MTA3: variants seen among roughly 807,000 people sequenced by gnomAD.
The protein encoded by MTA3 is metastasis-associated protein MTA3.
A neutral mutation model predicts 83.5 loss-of-function variants in MTA3; 34 were observed. That is an observed-to-expected ratio of 0.41 (90% confidence interval 0.31 to 0.54). The LOEUF is 0.54. MTA3 is among the 20% of genes least tolerant of loss of function. The pLI is 0.33. For synonymous variants in MTA3, 303 were observed against 252.7 expected, an observed-to-expected ratio of 1.20 and a Z score of -1.89; for missense variants, 761 against 726.4, an observed-to-expected ratio of 1.05 and a Z score of -0.55.
chr2:42,641,202 T>G (rs1284548697), intron 5 of MTA3, among the ~76,000 whole-genome samples: 1 of 148,786 alleles, frequency 6.7e-6, no homozygotes, highest in East Asian at 1.9e-4. Flanking sequence ...CCACTGTGCC[T>G]GGCCGGTTTT....
chr2:42,732,106 C>T (rs928358273), intron 16 of MTA3, among the ~76,000 whole-genome samples: 1 of 151,820 alleles, frequency 6.6e-6, no homozygotes, highest in Non-Finnish European at 1.5e-5. Flanking sequence ...GGACGGTGGC[C>T]CTCTTCTCAC....
chr2:42,719,854 T>G (rs1667280734), intron 15 of MTA3, among the ~76,000 whole-genome samples: 1 of 152,236 alleles, frequency 6.6e-6, no homozygotes, highest in South Asian at 2.1e-4. Context: ...TCTCTTTGTT[T>G]AAACAAAGTT....
intron 4 of MTA3, among the ~76,000 whole-genome samples, chr2:42,632,487 C>T (rs575463842): frequency 6.6e-6 from 1 of 152,116 alleles, no homozygotes; most frequent in Non-Finnish European, 1.5e-5. Context: ...CAGAGTGATT[C>T]ATTTGCCATC....
chr2:42,695,692 C>G (rs1185239701), intron 9 of MTA3, 73 bp from the exon 10 acceptor site: 7 of 454,912 alleles, frequency 1.5e-5, no homozygotes, highest in Non-Finnish European at 2.6e-5. Context: ...AAAGTACTTT[C>G]TATAGTAGCT....
rs556979786 is a variant in MTA3 at position 42,507,058 on chromosome 2, G to A, written c.-141+11804G>A. 7.9e-5 allele frequency among the ~76,000 whole-genome samples: 12 copies of A among 152,144 alleles called. No individual in the cohort carries two copies. The South Asian group carries it at 8.3e-4, about 11-fold the overall frequency. The stretch of plus-strand genomic sequence containing the variant: ...TAGCTGGAGTAGCATGCGTGATCAC[G>A]CTTGGCTAATTTTTTAATTTTTTGT... On this transcript the variant is annotated intron_variant, in intron 2 of 17. Coordinates refer to the MTA3 transcript ENST00000405592.
intron 3 of MTA3, among the ~76,000 whole-genome samples, chr2:42,584,986 C>A (rs992823547): frequency 1.3e-5 from 2 of 151,472 alleles, no homozygotes; most frequent in African/African-American, 2.4e-5. Context: ...GGCTTGAGTG[C>A]AGTGGCACAA....
At chr2:42,713,367 C>G (rs1296446630) in intron 14 of MTA3, among the ~76,000 whole-genome samples, 1 of 151,898 alleles carries the variant, frequency 6.6e-6, no homozygotes, top group Non-Finnish European at 1.5e-5. Context: ...TGAGTATAAG[C>G]TTTTCTGAAA....
intron 4 of MTA3, among the ~76,000 whole-genome samples, chr2:42,618,607 C>T (rs921114226): frequency 2.0e-5 from 3 of 151,866 alleles, no homozygotes; most frequent in Non-Finnish European, 2.9e-5. Context: ...ATCATTAATG[C>T]ATTTTTTTTC....
chr2:42,683,772 T>G (rs1487693554), intron 9 of MTA3, among the ~76,000 whole-genome samples: 3 of 152,082 alleles, frequency 2.0e-5, no homozygotes, highest in African/African-American at 7.2e-5. Flanking sequence ...GGGGCAGACC[T>G]CAGGGGGCAG....
intron 2 of MTA3, among the ~76,000 whole-genome samples, chr2:42,557,481 C>T (rs895667084): frequency 1.3e-5 from 2 of 152,132 alleles, no homozygotes; most frequent in African/African-American, 4.8e-5. Flanking sequence ...ACCAAAGCCT[C>T]GAAAAGGTCA....
chr2:42,519,218 C>G (rs61287079), intron 2 of MTA3, among the ~76,000 whole-genome samples: 3,255 of 152,164 alleles, frequency 0.021, 115 homozygotes, highest in African/African-American at 0.074. Context: ...ACAACCCAAT[C>G]TGATTATGAG....
intron 14 of MTA3, among the ~76,000 whole-genome samples, chr2:42,711,717 T>C (rs937879450): frequency 2.0e-5 from 3 of 151,834 alleles, no homozygotes; most frequent in Non-Finnish European, 2.9e-5. Flanking sequence ...AGATTAGGTA[T>C]TAATAACCTG....
chr2:42,646,801 T>C (rs1342550858), intron 6 of MTA3, among the ~76,000 whole-genome samples: 1 of 152,110 alleles, frequency 6.6e-6, no homozygotes, highest in Non-Finnish European at 1.5e-5. Context: ...GGATTTGGAA[T>C]ATTATATAAA....
chr2:42,668,619 G>A (rs1234369103), intron 8 of MTA3, among the ~76,000 whole-genome samples: 1 of 152,102 alleles, frequency 6.6e-6, no homozygotes, highest in African/African-American at 2.4e-5. Context: ...CATAATCTTT[G>A]TTGAGCCTCA....
In MTA3 at chr2:42,755,725, T is replaced by A. The variant is rs559601967; in HGVS notation, c.*2326T>A. The A allele has an allele frequency of 1.1e-5, 11 of 985,640 alleles. No homozygotes were observed. The East Asian group carries it at 5.7e-4, about 51-fold the overall frequency. 61.1% of individuals were successfully genotyped at this position (985,640 alleles called of 1,614,324 possible). On this transcript the variant is annotated 3_prime_UTR_variant, in exon 17 of 17. Transcript: ENST00000405094. ...GAGGGTTTCCCAGCCACCCGCTCCC[T>A]TTCTGGGGCCATGGTGTCCCTGCTG... is the stretch of plus-strand genomic sequence containing the variant.
intron 2 of MTA3, among the ~76,000 whole-genome samples, chr2:42,577,729 T>C (rs1462766591): frequency 6.6e-6 from 1 of 152,134 alleles, no homozygotes; most frequent in Non-Finnish European, 1.5e-5. Flanking sequence ...TCTGCCCACC[T>C]TGGACTCCCA....
intron 3 of MTA3, among the ~76,000 whole-genome samples, chr2:42,593,925 T>C (rs1291784667): frequency 6.6e-6 from 1 of 150,912 alleles, no homozygotes. Flanking sequence ...GCCCATTCCC[T>C]TCCATTTTTA....
intron 4 of MTA3, among the ~76,000 whole-genome samples, chr2:42,639,866 C>T (rs1395810988): frequency 1.3e-5 from 2 of 152,192 alleles, no homozygotes; most frequent in East Asian, 3.9e-4. Flanking sequence ...CTGAAGTTCT[C>T]ATTGTACTCT....
chr2:42,716,400 G>A (rs1027018620), intron 14 of MTA3, among the ~76,000 whole-genome samples: 5 of 152,134 alleles, frequency 3.3e-5, no homozygotes, highest in Non-Finnish European at 7.4e-5. Flanking sequence ...TGTCAAGGGG[G>A]TTTGTTGTAC....
Sources: gnomAD v4.1 joint callset for allele counts (sites outside exome capture counted in the v4.1 genomes callset) on GRCh38, gnomAD v4.1.1 for gene constraint, MANE v1.5 for transcripts, NCBI Gene and HGNC (gene_info 2026-07-23, HGNC 2026-07-21) for gene names.